The following SHISA9 variants were observed in gnomAD, a reference collection of about 807,000 sequenced individuals.
SHISA9 encodes the protein protein shisa-9.
A neutral mutation model predicts 38.0 loss-of-function variants in SHISA9; 13 were observed. The observed-to-expected ratio is 0.34, with a 90% CI of 0.22 to 0.54. The LOEUF is 0.54. Among genes scored for constraint, SHISA9 ranks in the 20% least tolerant of loss-of-function variants. The probability of loss-of-function intolerance (pLI) is 0.91; values close to 1 mark genes in which losing one functional copy is unlikely to be tolerated. For synonymous variants in SHISA9, 275 were observed against 242.0 expected, an observed-to-expected ratio of 1.14 and a Z score of -1.27; for missense variants, 538 against 575.8, an observed-to-expected ratio of 0.93 and a Z score of 0.67.
At chr16:13,426,467 G>T in the SHISA9 span, among the ~76,000 whole-genome samples, 1 of 152,170 alleles carries the variant, frequency 6.6e-6, no homozygotes, top group Non-Finnish European at 1.5e-5. Context: ...CCCACTGGGA[G>T]GCACTGTCTG....
chr16:12,960,348 G>A (rs1201025625), intron 2 of SHISA9, among the ~76,000 whole-genome samples: 7 of 152,026 alleles, frequency 4.6e-5, no homozygotes, highest in Non-Finnish European at 1.0e-4. Flanking sequence ...TGTTATGTGG[G>A]TAAATGTGTG....
intron 2 of SHISA9, among the ~76,000 whole-genome samples, chr16:13,054,763 A>G (rs969920926): frequency 6.6e-6 from 1 of 152,124 alleles, no homozygotes; most frequent in Non-Finnish European, 1.5e-5. Context: ...CTCTCTCTGC[A>G]CCTCCAGCCC....
At chr16:13,088,228 T>G (rs926653591) in intron 2 of SHISA9, among the ~76,000 whole-genome samples, 2 of 152,204 alleles carry the variant, frequency 1.3e-5, no homozygotes, top group Non-Finnish European at 2.9e-5. Context: ...ACTGTGGCCT[T>G]GTAGTATAGT....
At chr16:12,962,428 A>C (rs1007921508) in intron 2 of SHISA9, among the ~76,000 whole-genome samples, 1 of 152,186 alleles carries the variant, frequency 6.6e-6, no homozygotes, top group Non-Finnish European at 1.5e-5. Context: ...TCTTCCTGCA[A>C]ATTCATATGT....
chr16:13,152,374 G>A (rs1458135929), intron 2 of SHISA9, among the ~76,000 whole-genome samples: 1 of 152,054 alleles, frequency 6.6e-6, no homozygotes, highest in Non-Finnish European at 1.5e-5. Flanking sequence ...GGCTGCCAAG[G>A]CTCATGGGTT....
At chr16:13,071,229 A>G (rs772545605) in intron 2 of SHISA9, among the ~76,000 whole-genome samples, 1 of 152,168 alleles carries the variant, frequency 6.6e-6, no homozygotes, top group Non-Finnish European at 1.5e-5. Context: ...ACAGGGTCAT[A>G]CGTACAGCCA....
chr16:13,524,093 C>T, the SHISA9 span, among the ~76,000 whole-genome samples: 89 of 152,230 alleles, frequency 5.8e-4, no homozygotes, highest in African/African-American at 2.1e-3. Flanking sequence ...AAATGATGTT[C>T]TTGACCATTA....
At chr16:13,381,062 T>C in the SHISA9 span, among the ~76,000 whole-genome samples, 3 of 152,072 alleles carry the variant, frequency 2.0e-5, no homozygotes, top group African/African-American at 7.2e-5. Flanking sequence ...CTTAATGCAG[T>C]CTATCATTGA....
At chr16:13,003,581 G>A (rs1005987634) in intron 2 of SHISA9, among the ~76,000 whole-genome samples, 2 of 152,196 alleles carry the variant, frequency 1.3e-5, no homozygotes, top group Non-Finnish European at 2.9e-5. Context: ...GTTACAGGCT[G>A]GGCTGGTGGC....
the SHISA9 span, among the ~76,000 whole-genome samples, chr16:13,261,514 A>T: frequency 6.6e-6 from 1 of 152,028 alleles, no homozygotes; most frequent in Non-Finnish European, 1.5e-5. Context: ...ATTCCACAGC[A>T]CCCCCACCAG....
the SHISA9 span, among the ~76,000 whole-genome samples, chr16:13,440,791 G>A: frequency 4.1e-4 from 62 of 152,150 alleles, no homozygotes; most frequent in African/African-American, 1.3e-3. Context: ...GCGTGGTGGC[G>A]CGTGCCTGTA....
the SHISA9 span, among the ~76,000 whole-genome samples, chr16:13,317,812 C>A: frequency 6.6e-6 from 1 of 152,192 alleles, no homozygotes; most frequent in African/African-American, 2.4e-5. Flanking sequence ...TTTCTGATGC[C>A]TACAACTTCA....
intron 2 of SHISA9, among the ~76,000 whole-genome samples, chr16:13,006,752 C>A (rs1344704959): frequency 6.6e-6 from 1 of 152,180 alleles, no homozygotes; most frequent in African/African-American, 2.4e-5. Flanking sequence ...GTCACTGATT[C>A]TGTTGTACCC....
At chr16:13,247,507 C>T in the SHISA9 span, among the ~76,000 whole-genome samples, 1 of 152,088 alleles carries the variant, frequency 6.6e-6, no homozygotes, top group Non-Finnish European at 1.5e-5. Context: ...TTTTCTGGTT[C>T]CACAATTTCT....
intron 2 of SHISA9, among the ~76,000 whole-genome samples, chr16:13,045,998 C>A (rs2073184394): frequency 6.6e-6 from 1 of 152,180 alleles, no homozygotes; most frequent in African/African-American, 2.4e-5. Context: ...ATTGAGGAGG[C>A]AGGCTCCAAA....
chr16:13,024,217 T>C (rs1437179747), intron 2 of SHISA9, among the ~76,000 whole-genome samples: 1 of 152,222 alleles, frequency 6.6e-6, no homozygotes, highest in Non-Finnish European at 1.5e-5. Flanking sequence ...GCCCATACTC[T>C]TTCTAGGATA....
chr16:13,523,849 G>A, the SHISA9 span, among the ~76,000 whole-genome samples: 1 of 152,204 alleles, frequency 6.6e-6, no homozygotes, highest in Admixed American at 6.5e-5. Context: ...GTAATTAAAA[G>A]TAGCAGATGG....
chr16:13,392,939 G>A, the SHISA9 span, among the ~76,000 whole-genome samples: 1 of 152,232 alleles, frequency 6.6e-6, no homozygotes, highest in Admixed American at 6.5e-5. Flanking sequence ...GCCCTCCAGA[G>A]CTGTGAGATG....
the SHISA9 span, among the ~76,000 whole-genome samples, chr16:13,446,228 A>C: frequency 6.6e-6 from 1 of 152,122 alleles, no homozygotes; most frequent in Admixed American, 6.5e-5. Flanking sequence ...TACAGGTGTG[A>C]GCCACCGTGC....
Sources: gnomAD v4.1 joint callset for allele counts (sites outside exome capture counted in the v4.1 genomes callset) on GRCh38, gnomAD v4.1.1 for gene constraint, MANE v1.5 for transcripts, NCBI Gene and HGNC (gene_info 2026-07-23, HGNC 2026-07-21) for gene names.